HABP4: variants seen among roughly 807,000 people sequenced by gnomAD.
HABP4 encodes intracellular hyaluronan-binding protein 4.
In HABP4, 32 loss-of-function variants were observed where a neutral mutation model predicts 44.1. The observed-to-expected ratio is 0.73, with a 90% CI of 0.55 to 0.97. HABP4 has a LOEUF of 0.97. Ranked by LOEUF, HABP4 falls within the 50% of genes least tolerant of loss-of-function variation. The pLI is 0.00. For synonymous variants in HABP4, 216 were observed against 218.0 expected, an observed-to-expected ratio of 0.99 and a Z score of 0.08; for missense variants, 503 against 561.9, an observed-to-expected ratio of 0.90 and a Z score of 1.06.
chr9:96,461,385 G>C (rs949799955), intron 2 of HABP4, among the ~76,000 whole-genome samples: 2 of 152,078 alleles, frequency 1.3e-5, no homozygotes, highest in African/African-American at 4.8e-5. Flanking sequence ...GAAAGGAAGA[G>C]CCAAAATTCA....
intron 4 of HABP4, among the ~76,000 whole-genome samples, chr9:96,466,481 T>C (rs1287905095): frequency 1.3e-5 from 2 of 152,192 alleles, no homozygotes; most frequent in African/African-American, 2.4e-5. Context: ...GGCAGTCCTC[T>C]TGCCTCAGCC....
At chr9:96,465,905 T>C in intron 4 of HABP4, 127 bp downstream of exon 4, 1 of 599,116 alleles carries the variant, frequency 1.7e-6, no homozygotes, top group Non-Finnish European at 3.0e-6. Flanking sequence ...TAGAGATTGA[T>C]TTTAGGCTTT....
chr9:96,450,617 T>C lies in HABP4; in HGVS notation c.338T>C (p.Leu113Pro). The C allele has an allele frequency of 7.9e-7, 1 of 1,265,960 alleles. No homozygotes were observed. Among genetic ancestry groups the C allele is most frequent in the Non-Finnish European group, 9.9e-7 (1 of 1,006,446 alleles). 78.4% of individuals were successfully genotyped at this position (1,265,960 alleles called of 1,614,324 possible). A position where few individuals can be genotyped will look rare whatever the true frequency, so the allele number is the denominator to read the frequency against. Residue 113 changes from leucine (L) to proline (P), a missense_variant, in exon 1 of 8, where the codon CTG (leucine) becomes CCG (proline). Leu to Pro is a moderately conservative substitution (Grantham distance 98). This residue lies in a region of HABP4 where 290 missense variants were observed against 300.5 expected (regional missense o/e 0.97). Transcript: ENST00000375249. The surrounding 1 kb of genome is among the most constrained non-coding windows in gnomAD (Gnocchi z 4.8). Reference protein sequence around the residue: ...AQRPDSPGGGLQAPGQKRTPR... With the variant: ...AQRPDSPGGGPQAPGQKRTPR... ...CGGCCCGATAGCCCCGGGGGCGGCC[T>C]GCAGGCGCCGGGTACGCGGGGACAG... is the stretch of plus-strand genomic sequence containing the variant.
chr9:96,486,909 G>C (rs1040433685), intron 6 of HABP4, among the ~76,000 whole-genome samples: 1 of 152,012 alleles, frequency 6.6e-6, no homozygotes, highest in African/African-American at 2.4e-5. Context: ...CCTTCCTGCA[G>C]TGGGAGGCGA....
intron 5 of HABP4, among the ~76,000 whole-genome samples, chr9:96,476,917 A>T (rs556595067): frequency 2.2e-4 from 33 of 152,374 alleles, no homozygotes; most frequent in Non-Finnish European, 4.3e-4. Flanking sequence ...AATGAGGTGC[A>T]TTCCAGTCAA....
chr9:96,468,002 G>T (rs1399492613), intron 4 of HABP4, among the ~76,000 whole-genome samples: 3 of 152,206 alleles, frequency 2.0e-5, no homozygotes, highest in Non-Finnish European at 2.9e-5. Context: ...AGGCTGGCAT[G>T]TCTCAGTGTT....
chr9:96,490,819 G>C lies in HABP4; in HGVS notation c.*781G>C, dbSNP rs370427544. The C allele has an allele frequency of 2.0e-5, 3 of 152,220 alleles. No individual in the cohort carries two copies. Among genetic ancestry groups the C allele is most frequent in the African/African-American group, 7.2e-5 (3 of 41,466 alleles). 9.4% of individuals were successfully genotyped at this position (152,220 alleles called of 1,614,324 possible). A position where few individuals can be genotyped will look rare whatever the true frequency, so the allele number is the denominator to read the frequency against. ...AAATACCGCATCCTTTTCTTCCGCAGAACTAGAGTCAGAGTTCGGCAGCTG... is the reference window on the plus strand; with the variant it reads ...AAATACCGCATCCTTTTCTTCCGCACAACTAGAGTCAGAGTTCGGCAGCTG... On this transcript the variant is annotated 3_prime_UTR_variant, in exon 8 of 8. Coordinates refer to ENST00000375249, the MANE Select transcript of HABP4 (RefSeq NM_014282.4).
intron 5 of HABP4, among the ~76,000 whole-genome samples, chr9:96,478,191 G>A (rs1832813964): frequency 6.6e-6 from 1 of 151,980 alleles, no homozygotes; most frequent in African/African-American, 2.4e-5. Context: ...GGCGTGCAGT[G>A]GTGCAATCTC....
chr9:96,487,654 A>G (rs1167409374), intron 6 of HABP4, among the ~76,000 whole-genome samples: 1 of 152,090 alleles, frequency 6.6e-6, no homozygotes, highest in Non-Finnish European at 1.5e-5. Flanking sequence ...TTATCAAAGC[A>G]TTTGTGAACA....
In HABP4 at chr9:96,450,264, C is replaced by T. The variant is rs1832242237; in HGVS notation, c.-16C>T. ...CGCGTGGGCTGCCCTCCCGGGCCCGCAGTGGTCGCGGCGGCATGAAGGGCG... is the reference window on the plus strand; with the variant it reads ...CGCGTGGGCTGCCCTCCCGGGCCCGTAGTGGTCGCGGCGGCATGAAGGGCG... On this transcript the variant is annotated 5_prime_UTR_variant, in exon 1 of 8. Coordinates refer to ENST00000375249, the MANE Select transcript of HABP4 (RefSeq NM_014282.4). This position sits in a 1 kb window ranked among gnomAD's most constrained non-coding sequence, Gnocchi z 4.8. 1.4e-6 allele frequency: 2 copies of T among 1,425,354 alleles called. No homozygotes were observed. The highest frequency in any genetic ancestry group is 1.9e-6 in the Non-Finnish European group (2 of 1,078,708). 88.3% of individuals were successfully genotyped at this position (1,425,354 alleles called of 1,614,324 possible).
At chr9:96,458,987 AT>A (rs201089696) in intron 2 of HABP4, among the ~76,000 whole-genome samples, 2,209 of 152,238 alleles carry the variant, frequency 0.015, 57 homozygotes, top group African/African-American at 0.05. Flanking sequence ...TGTTTTACTA[AT>A]TTATGTGCAA....
At chr9:96,451,445 CTG>C in intron 1 of HABP4, 1 of 984,040 alleles carries the variant, frequency 1.0e-6, no homozygotes, top group Non-Finnish European at 1.2e-6. Context: ...AACACTCCAC[CTG>C]TGTTTCCTGT....
chr9:96,468,416 C>T (rs1020625195), intron 4 of HABP4, among the ~76,000 whole-genome samples: 4 of 152,156 alleles, frequency 2.6e-5, no homozygotes, highest in African/African-American at 9.7e-5. Context: ...TGCAACCACG[C>T]CCAGCTAATG....
chr9:96,466,106 C>CA (rs1491110498), intron 4 of HABP4, among the ~76,000 whole-genome samples: 1 of 152,200 alleles, frequency 6.6e-6, no homozygotes, highest in Non-Finnish European at 1.5e-5. Flanking sequence ...CACGGTGACT[C>CA]ACGCCTGTAA....
At chr9:96,473,301 C>T (rs1260096794) in intron 5 of HABP4, among the ~76,000 whole-genome samples, 1 of 152,220 alleles carries the variant, frequency 6.6e-6, no homozygotes, top group Non-Finnish European at 1.5e-5. Context: ...CTGGTCCTCA[C>T]TCAGTGTTTC....
At chr9:96,462,425 T>C (rs573957186) in intron 2 of HABP4, among the ~76,000 whole-genome samples, 27 of 151,918 alleles carry the variant, frequency 1.8e-4, no homozygotes, top group African/African-American at 6.0e-4. Context: ...CACTCCAGCC[T>C]GTGTGACAGA....
At chr9:96,455,704 A>T (rs1025827784) in intron 1 of HABP4, among the ~76,000 whole-genome samples, 1 of 151,472 alleles carries the variant, frequency 6.6e-6, no homozygotes, top group Non-Finnish European at 1.5e-5. Flanking sequence ...AGTTGGAGGT[A>T]GCAGTGAGCC....
rs1340039599 is a variant in HABP4 at position 96,467,154 on chromosome 9, C to T, written c.743+1376C>T. On this transcript the variant is annotated intron_variant, in intron 4 of 7. Coordinates refer to ENST00000375249, the MANE Select transcript of HABP4 (RefSeq NM_014282.4). ...GTCAGGCTGGTCTCGAACTCCTGAC[C>T]TCAGGTAATCCACCTGCCTTGGCCT... Among the ~76,000 whole-genome samples the T allele has an allele frequency of 3.3e-5, 5 of 152,188 alleles. No individual in the cohort carries two copies. The East Asian group carries it at 7.7e-4, about 24-fold the overall frequency.
At chr9:96,483,373 ATTC>A (rs1298555310) in intron 5 of HABP4, 5 of 135,126 alleles carry the variant, frequency 3.7e-5, no homozygotes, top group Non-Finnish European at 7.7e-5. Context: ...TTCATAAAGC[ATTC>A]TTTTTTTTTT....
Sources: gnomAD v4.1 joint callset for allele counts (sites outside exome capture counted in the v4.1 genomes callset) on GRCh38, gnomAD v4.1.1 for gene constraint, gnomAD v4.1.1 regional missense constraint, Gnocchi (gnomAD v3.1) non-coding constraint, MANE v1.5 for transcripts, NCBI Gene and HGNC (gene_info 2026-07-23, HGNC 2026-07-21) for gene names.